Variants in GUCY1A2 observed in about 807,000 individuals in gnomAD.
The protein encoded by GUCY1A2 is guanylate cyclase 1 soluble subunit alpha 2, also known as guanylate cyclase soluble subunit alpha-2.
Under a neutral mutation model 63.5 loss-of-function variants are expected in GUCY1A2, and 27 were observed. The ratio of observed to expected loss-of-function variants is 0.43; its 90% confidence interval spans 0.31 to 0.59. The LOEUF (loss-of-function observed/expected upper bound fraction) is 0.59, where lower values mean the gene tolerates loss of function less well. Among genes scored for constraint, GUCY1A2 ranks in the 20% least tolerant of loss-of-function variants. The pLI is 0.11. For missense variants in GUCY1A2, 768 were observed against 913.3 expected (o/e 0.84, Z 2.05); for synonymous variants, 364 against 343.5 (o/e 1.06, Z -0.66).
At position 106,775,595 on chromosome 11, in the gene GUCY1A2, T is replaced by C. The variant is rs560829203; in HGVS notation, c.1836+844A>G. Among the ~76,000 whole-genome samples the C allele has an allele frequency of 3.3e-5, 5 of 152,242 alleles. No homozygotes were observed. The South Asian group carries it at 1.0e-3, about 32-fold the overall frequency. On this transcript the variant is annotated intron_variant, in intron 6 of 7. Coordinates refer to ENST00000526355, the MANE Select transcript of GUCY1A2 (RefSeq NM_000855.3). ...TTTTTTAATATATTTAACCCAATAT[T>C]TTCATAATTTTAATCAGATGGATTG...
intron 7 of GUCY1A2, among the ~76,000 whole-genome samples, chr11:106,705,835 G>A (rs1290652165): frequency 6.6e-6 from 1 of 152,120 alleles, no homozygotes; most frequent in East Asian, 1.9e-4. Context: ...ACTCCATCCT[G>A]GGCGACAGAG....
intron 3 of GUCY1A2, among the ~76,000 whole-genome samples, chr11:106,947,742 T>C (rs1009026513): frequency 5.3e-5 from 8 of 151,966 alleles, no homozygotes; most frequent in Non-Finnish European, 1.0e-4. Context: ...AAAGTCAAAA[T>C]TGGAATTATA....
At chr11:106,771,831 T>C (rs1433339102) in intron 6 of GUCY1A2, among the ~76,000 whole-genome samples, 1 of 152,156 alleles carries the variant, frequency 6.6e-6, no homozygotes, top group African/African-American at 2.4e-5. Flanking sequence ...TTCTTCCATA[T>C]TTTCAGCCAG....
At chr11:106,750,713 T>A (rs1308412919) in intron 6 of GUCY1A2, among the ~76,000 whole-genome samples, 1 of 151,144 alleles carries the variant, frequency 6.6e-6, no homozygotes. Flanking sequence ...CCAGTGTAGT[T>A]GTTTTAGCAC....
chr11:106,686,963 T>G lies in GUCY1A2; in HGVS notation c.*586A>C. The G allele has an allele frequency of 5.0e-6, 1 of 201,988 alleles. No homozygotes were observed. The highest frequency in any genetic ancestry group is 1.0e-5 in the Non-Finnish European group (1 of 98,338). The allele number at this position is 201,988 out of a possible 1,614,324, so 12.5% of individuals were successfully genotyped here. On this transcript the variant is annotated 3_prime_UTR_variant, in exon 8 of 8. Coordinates refer to ENST00000526355, the MANE Select transcript of GUCY1A2 (RefSeq NM_000855.3). Reference sequence around the variant, plus strand: ...ATATACTAACAATACAGAAGCAGATTCTGAAAATCTAATAATGTTGTGCGA... The same window carrying G: ...ATATACTAACAATACAGAAGCAGATGCTGAAAATCTAATAATGTTGTGCGA...
intron 4 of GUCY1A2, among the ~76,000 whole-genome samples, chr11:106,934,329 A>G (rs546397412): frequency 2.0e-5 from 3 of 152,350 alleles, no homozygotes; most frequent in African/African-American, 7.2e-5. Context: ...CTACAGTTCA[A>G]TATTTGAAAT....
rs1350089256 is a variant in GUCY1A2, at chr11:106,676,532, T to G, written c.*11017A>C. 5.4e-6 allele frequency: 1 copy of G among 186,654 alleles called. No individual in the cohort carries two copies. The highest frequency in any genetic ancestry group is 1.1e-5 in the Non-Finnish European group (1 of 88,462). 11.6% of individuals were successfully genotyped at this position (186,654 alleles called of 1,614,324 possible). A position where few individuals can be genotyped will look rare whatever the true frequency, so the allele number is the denominator to read the frequency against. ...AATACATTGTATATTGCTTTTTCAA[T>G]AGAGTAGACATAAAATTGATGACAA... On this transcript the variant is annotated 3_prime_UTR_variant, in exon 8 of 8. Transcript: ENST00000526355.
In GUCY1A2 at chr11:106,978,735, C is replaced by A; in HGVS notation, c.371G>T (p.Arg124Met). Reference sequence around the variant, plus strand: ...ATTGTGGAAATTCTTTTCTGCATCCCTGTAACTAAGAAGAAAACAAAATTA... The same window carrying A: ...ATTGTGGAAATTCTTTTCTGCATCCATGTAACTAAGAAGAAAACAAAATTA... ...QYYEHQVIGY[R>M]DAEKNFHNIS... The change falls in exon 3 of 8, where the codon AGG becomes ATG. Residue 124 changes from arginine to methionine, a missense_variant. Coordinates refer to ENST00000526355, the MANE Select transcript of GUCY1A2 (RefSeq NM_000855.3). The A allele has an allele frequency of 6.3e-7, 1 of 1,595,074 alleles. No homozygotes were observed.
At position 106,679,722 on chromosome 11, in the gene GUCY1A2, G is replaced by A. The variant is rs1862401041; in HGVS notation, c.*7827C>T. ...GTTTTTCTATGCTAATTTTAGCAGG[G>A]TTTTCTGTGGCATATGGCAGAGCTG... is the stretch of plus-strand genomic sequence containing the variant. On this transcript the variant is annotated 3_prime_UTR_variant, in exon 8 of 8. Coordinates refer to ENST00000526355, the MANE Select transcript of GUCY1A2 (RefSeq NM_000855.3). 4.6e-6 allele frequency: 1 copy of A among 219,660 alleles called. No homozygotes were observed. Among genetic ancestry groups the A allele is most frequent in the Admixed American group, 5.8e-5 (1 of 17,314 alleles). 13.6% of individuals were successfully genotyped at this position (219,660 alleles called of 1,614,324 possible).
intron 6 of GUCY1A2, among the ~76,000 whole-genome samples, chr11:106,740,459 T>C (rs937890863): frequency 6.6e-6 from 1 of 152,182 alleles, no homozygotes; most frequent in African/African-American, 2.4e-5. Context: ...ATATTTGAGG[T>C]GACTGTTTCA....
Position 106,674,554 on chromosome 11 carries a change from T to C in GUCY1A2, c.*12995A>G, listed in dbSNP as rs1400082166. 1 of 182,034 alleles carries C rather than the reference T, an allele frequency of 5.5e-6. No homozygotes were observed. The highest frequency in any genetic ancestry group is 2.3e-5 in the African/African-American group (1 of 42,558). The allele number at this position is 182,034 out of a possible 1,614,324, so 11.3% of individuals were successfully genotyped here. The stretch of plus-strand genomic sequence containing the variant: ...TACAGGTTTAAGAGATGCATTCATT[T>C]TTTTAAAAAAACAAAAAATAGTTTG... On this transcript the variant is annotated 3_prime_UTR_variant, in exon 8 of 8. Transcript: ENST00000526355.
chr11:106,707,883 A>G (rs2135348362), intron 7 of GUCY1A2, among the ~76,000 whole-genome samples: 1 of 152,256 alleles, frequency 6.6e-6, no homozygotes, highest in East Asian at 1.9e-4. Flanking sequence ...TCAAAATCCC[A>G]AAGTCCAAAA....
intron 4 of GUCY1A2, among the ~76,000 whole-genome samples, chr11:106,895,724 T>G (rs376322114): frequency 3.3e-5 from 5 of 152,122 alleles, no homozygotes; most frequent in African/African-American, 9.7e-5. Context: ...AGCATGAGAA[T>G]GGACTAATAC....
intron 6 of GUCY1A2, among the ~76,000 whole-genome samples, chr11:106,746,939 G>A (rs1380766518): frequency 1.3e-5 from 2 of 152,144 alleles, no homozygotes; most frequent in African/African-American, 4.8e-5. Flanking sequence ...TTTCCATACT[G>A]AGTTGTGCAA....
chr11:106,823,852 T>C (rs1858933344), intron 4 of GUCY1A2, among the ~76,000 whole-genome samples: 1 of 152,204 alleles, frequency 6.6e-6, no homozygotes, highest in African/African-American at 2.4e-5. Flanking sequence ...GTTTGTTGGC[T>C]GCTTCTATTT....
intron 6 of GUCY1A2, among the ~76,000 whole-genome samples, chr11:106,713,071 T>C (rs1180263169): frequency 6.6e-6 from 1 of 152,178 alleles, no homozygotes; most frequent in African/African-American, 2.4e-5. Context: ...AAGAAGTTTG[T>C]TGGGTATCTC....
At chr11:106,724,523 T>C (rs909807664) in intron 6 of GUCY1A2, among the ~76,000 whole-genome samples, 8 of 152,230 alleles carry the variant, frequency 5.3e-5, no homozygotes, top group African/African-American at 1.9e-4. Flanking sequence ...GCTGTGGCTC[T>C]CTTGCTCTTG....
chr11:106,871,326 C>T lies in GUCY1A2; in HGVS notation c.1207-60848G>A, dbSNP rs1409186739. On this transcript the variant is annotated intron_variant, in intron 4 of 7. Transcript: ENST00000526355. ...GTCAAGGTTTTTAATTTTCTACAAA[C>T]TGGCAGTCTTAAAATAACAAACATT... Among the ~76,000 whole-genome samples, 4 of 152,218 alleles carry T rather than the reference C, an allele frequency of 2.6e-5. No homozygotes were observed. In the East Asian group the frequency reaches 7.7e-4, roughly 29 times the overall value.
intron 3 of GUCY1A2, among the ~76,000 whole-genome samples, chr11:106,961,455 A>G (rs565723283): frequency 3.3e-5 from 5 of 152,278 alleles, no homozygotes; most frequent in South Asian, 2.1e-4. Context: ...CCTCAACACT[A>G]TTTAATTCCT....
Sources: allele counts gnomAD v4.1 joint callset (sites outside exome capture counted in the v4.1 genomes callset), GRCh38; gene constraint gnomAD v4.1.1; transcripts MANE v1.5; gene names NCBI Gene and HGNC (gene_info 2026-07-23, HGNC 2026-07-21).